The following BAZ2B variants were observed in gnomAD, a reference collection of about 807,000 sequenced individuals.
The protein encoded by BAZ2B is bromodomain adjacent to zinc finger domain protein 2B.
BAZ2B carries 91 observed loss-of-function variants against 246.0 expected under a neutral mutation model. That is an observed-to-expected ratio of 0.37 (90% CI 0.31 to 0.44). The LOEUF is 0.44. BAZ2B is among the 20% of genes least tolerant of loss of function. The pLI is 1.00. For missense variants in BAZ2B, 2,332 were observed against 2,533.7 expected (o/e 0.92, Z 1.71); for synonymous variants, 855 against 860.0 (o/e 0.99, Z 0.10).
intron 1 of BAZ2B, among the ~76,000 whole-genome samples, chr2:159,599,625 A>C (rs1331311625): frequency 1.3e-5 from 2 of 150,102 alleles, no homozygotes; most frequent in African/African-American, 4.9e-5. Flanking sequence ...TCTCAAAAAA[A>C]AAAAAGAAAA....
chr2:159,428,166 A>G lies in BAZ2B; in HGVS notation c.2365-124T>C. The G allele has an allele frequency of 2.7e-6, 3 of 1,114,684 alleles. No homozygotes were observed. The South Asian group carries it at 4.4e-5, about 17-fold the overall frequency. 69.0% of individuals were successfully genotyped at this position (1,114,684 alleles called of 1,614,324 possible). A position where few individuals can be genotyped will look rare whatever the true frequency, so the allele number is the denominator to read the frequency against. ...TCAAGGGGCTCTAAATTTATAGGAG[A>G]TCAATTTAGGTTAAGTACAATAGTC... On this transcript the variant is annotated intron_variant, in intron 12 of 36. Transcript: ENST00000392783.
the BAZ2B span, among the ~76,000 whole-genome samples, chr2:159,685,217 T>C: frequency 7.2e-5 from 11 of 152,142 alleles, no homozygotes; most frequent in African/African-American, 2.7e-4. Flanking sequence ...TATAGAAAAA[T>C]GTTGCACTGA....
chr2:159,688,672 A>G, the BAZ2B span, among the ~76,000 whole-genome samples: 5 of 152,196 alleles, frequency 3.3e-5, no homozygotes, highest in African/African-American at 7.2e-5. Flanking sequence ...AGGGTCATAC[A>G]TTATTTTTAA....
At chr2:159,557,984 T>C (rs2089406110) in intron 1 of BAZ2B, among the ~76,000 whole-genome samples, 1 of 151,212 alleles carries the variant, frequency 6.6e-6, no homozygotes, top group African/African-American at 2.4e-5. Flanking sequence ...TGTATGATAA[T>C]GAGGGTCTGG....
At chr2:159,496,375 T>C (rs1421111626) in intron 2 of BAZ2B, among the ~76,000 whole-genome samples, 1 of 58,926 alleles carries the variant, frequency 1.7e-5, no homozygotes, top group Admixed American at 2.5e-4. Context: ...AGACTCCATC[T>C]AAAAAAAAAA....
intron 2 of BAZ2B, among the ~76,000 whole-genome samples, chr2:159,548,339 C>A (rs1156607667): frequency 6.6e-6 from 1 of 152,002 alleles, no homozygotes; most frequent in East Asian, 1.9e-4. Context: ...TATAACTCTA[C>A]TTTTGGTATT....
chr2:159,673,532 G>A, the BAZ2B span, among the ~76,000 whole-genome samples: 1 of 152,092 alleles, frequency 6.6e-6, no homozygotes, highest in Non-Finnish European at 1.5e-5. Flanking sequence ...AGCTCTAAAT[G>A]CATAAAAATA....
At chr2:159,542,455 T>C (rs879727748) in intron 2 of BAZ2B, among the ~76,000 whole-genome samples, 1 of 152,058 alleles carries the variant, frequency 6.6e-6, no homozygotes, top group Non-Finnish European at 1.5e-5. Flanking sequence ...ACTTGTTATG[T>C]TCTTATGTAC....
At chr2:159,361,618 G>A (rs1267786217) in intron 27 of BAZ2B, among the ~76,000 whole-genome samples, 1 of 152,082 alleles carries the variant, frequency 6.6e-6, no homozygotes, top group Non-Finnish European at 1.5e-5. Flanking sequence ...TATATCCAAA[G>A]GATTATATAT....
chr2:159,560,893 GA>G (rs1284524635), intron 1 of BAZ2B, among the ~76,000 whole-genome samples: 1 of 151,692 alleles, frequency 6.6e-6, no homozygotes, highest in Non-Finnish European at 1.5e-5. Context: ...ATTCAGTATG[GA>G]AAAAAAATCA....
chr2:159,327,893 C>T (rs1343635185), intron 34 of BAZ2B, among the ~76,000 whole-genome samples: 3 of 151,906 alleles, frequency 2.0e-5, no homozygotes, highest in Non-Finnish European at 4.4e-5. Flanking sequence ...GGTGAAACCC[C>T]GTCTCTACCA....
chr2:159,427,920 T>C (rs1169166337), intron 13 of BAZ2B, 21 bp downstream of exon 13: 9 of 1,600,026 alleles, frequency 5.6e-6, no homozygotes, highest in Middle Eastern at 1.7e-4. Context: ...TCAAAGACTA[T>C]ACTTTTTAAA....
chr2:159,353,137 T>C (rs2058733990), intron 27 of BAZ2B, among the ~76,000 whole-genome samples: 1 of 152,232 alleles, frequency 6.6e-6, no homozygotes, highest in Non-Finnish European at 1.5e-5. Flanking sequence ...TTTTGTTATA[T>C]AGGTATATCA....
At chr2:159,638,412 G>C in the BAZ2B span, among the ~76,000 whole-genome samples, 1 of 152,094 alleles carries the variant, frequency 6.6e-6, no homozygotes, top group Non-Finnish European at 1.5e-5. Context: ...AAGACACCAG[G>C]GAACAATCCT....
chr2:159,416,208 T>A (rs1222405643), intron 13 of BAZ2B, among the ~76,000 whole-genome samples: 1 of 152,178 alleles, frequency 6.6e-6, no homozygotes, highest in Non-Finnish European at 1.5e-5. Flanking sequence ...CTATACTAAC[T>A]CCTTTCAGTA....
chr2:159,615,684 G>C (rs1330410593), intron 1 of BAZ2B: 1 of 152,368 alleles, frequency 6.6e-6, no homozygotes, highest in Non-Finnish European at 1.5e-5. Context: ...AGGGAGTGGG[G>C]GAGCAGCGGA....
intron 1 of BAZ2B, among the ~76,000 whole-genome samples, chr2:159,600,312 A>G (rs1455683732): frequency 2.0e-5 from 3 of 152,232 alleles, no homozygotes. Context: ...ACAAAATCTT[A>G]CCAGAACCAT....
At chr2:159,659,567 A>G in the BAZ2B span, among the ~76,000 whole-genome samples, 1 of 152,150 alleles carries the variant, frequency 6.6e-6, no homozygotes, top group African/African-American at 2.4e-5. Context: ...CAAAGACACA[A>G]ATTTTTATTC....
At chr2:159,438,962 C>A in intron 7 of BAZ2B, 47 bp downstream of exon 7, 1 of 1,567,220 alleles carries the variant, frequency 6.4e-7, no homozygotes, top group South Asian at 1.1e-5. Flanking sequence ...CCAGTTAATT[C>A]CTAAATATGA....
Sources: allele counts gnomAD v4.1 joint callset (sites outside exome capture counted in the v4.1 genomes callset), GRCh38; gene constraint gnomAD v4.1.1; transcripts MANE v1.5; gene names NCBI Gene and HGNC (gene_info 2026-07-23, HGNC 2026-07-21).